The following ANKS1B variants were observed in gnomAD, a reference collection of about 807,000 sequenced individuals.
ANKS1B encodes ankyrin repeat and sterile alpha motif domain containing 1B.
ANKS1B carries 36 observed loss-of-function variants against 148.3 expected under a neutral mutation model. The observed-to-expected ratio is 0.24, with a 90% CI of 0.19 to 0.32. ANKS1B has a LOEUF of 0.32. Among genes scored for constraint, ANKS1B ranks in the 10% least tolerant of loss-of-function variants. The probability of loss-of-function intolerance (pLI) is 1.00; values close to 1 mark genes in which losing one functional copy is unlikely to be tolerated. For synonymous variants in ANKS1B, 542 were observed against 560.8 expected, an observed-to-expected ratio of 0.97 and a Z score of 0.47; for missense variants, 1,157 against 1,542.6, an observed-to-expected ratio of 0.75 and a Z score of 4.19.
At chr12:99,741,246 T>C (rs1265017189) in intron 8 of ANKS1B, among the ~76,000 whole-genome samples, 5 of 77,964 alleles carry the variant, frequency 6.4e-5, no homozygotes, top group African/African-American at 1.5e-4. Context: ...CACACACACA[T>C]CAGGAAACAA....
At chr12:99,458,984 C>A (rs1315313690) in intron 10 of ANKS1B, among the ~76,000 whole-genome samples, 1 of 152,002 alleles carries the variant, frequency 6.6e-6, no homozygotes, top group Non-Finnish European at 1.5e-5. Flanking sequence ...ACCAATATCC[C>A]TGATTAACAT....
At chr12:99,825,967 T>A (rs1206118397) in intron 1 of ANKS1B, among the ~76,000 whole-genome samples, 1 of 152,184 alleles carries the variant, frequency 6.6e-6, no homozygotes, top group African/African-American at 2.4e-5. Context: ...TCATCATTGA[T>A]TTTACTATGC....
At chr12:99,288,114 T>G (rs966873209) in intron 12 of ANKS1B, among the ~76,000 whole-genome samples, 1 of 152,064 alleles carries the variant, frequency 6.6e-6, no homozygotes, top group Non-Finnish European at 1.5e-5. Flanking sequence ...TTTAAGTCTT[T>G]TAATAATCAA....
chr12:99,666,363 A>G (rs998858020), intron 8 of ANKS1B, among the ~76,000 whole-genome samples: 4 of 152,226 alleles, frequency 2.6e-5, no homozygotes, highest in African/African-American at 9.6e-5. Flanking sequence ...ATTGTAGTCC[A>G]TAGTACAATT....
chr12:98,881,957 A>G (rs1467497542), intron 17 of ANKS1B, among the ~76,000 whole-genome samples: 1 of 152,166 alleles, frequency 6.6e-6, no homozygotes, highest in African/African-American at 2.4e-5. Context: ...ATCTCATGTA[A>G]GGCAAATATT....
intron 17 of ANKS1B, among the ~76,000 whole-genome samples, chr12:99,016,188 A>G: frequency 7.3e-6 from 1 of 137,824 alleles, no homozygotes; most frequent in Non-Finnish European, 1.5e-5. Context: ...TCTTTGTTAG[A>G]CATTTGCTAT....
chr12:99,562,484 C>T (rs2097346757), intron 9 of ANKS1B, among the ~76,000 whole-genome samples: 1 of 152,180 alleles, frequency 6.6e-6, no homozygotes, highest in South Asian at 2.1e-4. Context: ...GTTAATGTGG[C>T]CACGTTACTA....
At chr12:98,781,338 A>G (rs1566423232) in intron 23 of ANKS1B, 135 bp from the exon 24 acceptor site, 1 of 690,006 alleles carries the variant, frequency 1.4e-6, no homozygotes. Context: ...ACACACACAC[A>G]CACATCAGAT....
intron 8 of ANKS1B, among the ~76,000 whole-genome samples, chr12:99,658,194 G>T (rs1215454803): frequency 1.3e-5 from 2 of 152,074 alleles, no homozygotes; most frequent in Non-Finnish European, 2.9e-5. Flanking sequence ...AGACAGTCCT[G>T]AATTCAAGTT....
At chr12:99,182,539 T>C (rs1460755690) in intron 14 of ANKS1B, among the ~76,000 whole-genome samples, 2 of 152,226 alleles carry the variant, frequency 1.3e-5, no homozygotes, top group Admixed American at 6.5e-5. Flanking sequence ...TGTATATGTA[T>C]TACATTTTCT....
At chr12:98,931,854 G>A (rs932656742) in intron 17 of ANKS1B, 10 of 152,094 alleles carry the variant, frequency 6.6e-5, no homozygotes, top group Non-Finnish European at 1.3e-4. Flanking sequence ...GAAAGCCTAA[G>A]GAGGCACTTT....
intron 16 of ANKS1B, among the ~76,000 whole-genome samples, chr12:99,060,115 A>G (rs535249258): frequency 1.7e-4 from 26 of 152,272 alleles, no homozygotes; most frequent in African/African-American, 6.3e-4. Flanking sequence ...GTTGAATTCC[A>G]AAGTCTGGAA....
At chr12:99,213,433 C>G (rs1388743) in intron 14 of ANKS1B, among the ~76,000 whole-genome samples, 10,965 of 152,240 alleles carry the variant, frequency 0.072, 1,326 homozygotes, top group African/African-American at 0.25. Context: ...CTCCCGAAGT[C>G]TAGCAGCACT....
intron 17 of ANKS1B, among the ~76,000 whole-genome samples, chr12:99,044,069 G>A (rs564006793): frequency 2.0e-5 from 3 of 152,246 alleles, no homozygotes; most frequent in South Asian, 4.2e-4. Context: ...TTTGCATTTC[G>A]TGTATGTATT....
At chr12:99,785,083 T>G (rs1052169985) in intron 4 of ANKS1B, among the ~76,000 whole-genome samples, 3 of 152,084 alleles carry the variant, frequency 2.0e-5, no homozygotes, top group African/African-American at 7.2e-5. Context: ...GAACACAGGA[T>G]GAAAAACTAG....
At chr12:99,365,008 G>C (rs565422871) in intron 12 of ANKS1B, among the ~76,000 whole-genome samples, 1 of 152,296 alleles carries the variant, frequency 6.6e-6, no homozygotes, top group African/African-American at 2.4e-5. Flanking sequence ...AATACTGATT[G>C]AAAGGATCCA....
At chr12:99,388,542 T>G (rs892173680) in intron 12 of ANKS1B, among the ~76,000 whole-genome samples, 2 of 152,028 alleles carry the variant, frequency 1.3e-5, no homozygotes, top group African/African-American at 4.8e-5. Flanking sequence ...CAGAGGAGCA[T>G]GGGATATGTT....
intron 15 of ANKS1B, among the ~76,000 whole-genome samples, chr12:99,134,137 C>T (rs2067091862): frequency 6.6e-6 from 1 of 152,038 alleles, no homozygotes; most frequent in African/African-American, 2.4e-5. Context: ...TTTTTTTCCT[C>T]ACTTGGTATC....
intron 17 of ANKS1B, among the ~76,000 whole-genome samples, chr12:98,861,967 T>TA (rs1199104951): frequency 6.6e-6 from 1 of 152,210 alleles, no homozygotes; most frequent in East Asian, 1.9e-4. Flanking sequence ...AGTTTTTTTT[T>TA]ACCTTCCTGT....
Sources: allele counts gnomAD v4.1 joint callset (sites outside exome capture counted in the v4.1 genomes callset), GRCh38; gene constraint gnomAD v4.1.1; transcripts MANE v1.5; gene names NCBI Gene and HGNC (gene_info 2026-07-23, HGNC 2026-07-21).